The following CACNA1A variants were observed in gnomAD, a reference collection of about 807,000 sequenced individuals.
CACNA1A encodes the protein calcium voltage-gated channel subunit alpha1 A.
In CACNA1A, 57 loss-of-function variants were observed where a neutral mutation model predicts 262.4. The ratio of observed to expected loss-of-function variants is 0.22; its 90% CI spans 0.18 to 0.27. The LOEUF (loss-of-function observed/expected upper bound fraction) is 0.27. Ranked by LOEUF, CACNA1A falls within the 10% of genes least tolerant of loss-of-function variation. The pLI is 1.00. For synonymous variants in CACNA1A, 1,431 were observed against 1,419.3 expected, an observed-to-expected ratio of 1.01 and a Z score of -0.18; for missense variants, 2,526 against 3,562.8, an observed-to-expected ratio of 0.71 and a Z score of 7.41.
At chr19:13,273,979 C>G (rs2057086356) in intron 24 of CACNA1A, 1 of 151,638 alleles carries the variant, frequency 6.6e-6, no homozygotes, top group East Asian at 1.9e-4. Context: ...GCCTCCTGGG[C>G]TCAAGCAATC....
intron 23 of CACNA1A, among the ~76,000 whole-genome samples, 174 bp downstream of exon 23, chr19:13,276,895 A>G (rs996317827): frequency 1.2e-4 from 19 of 152,048 alleles, no homozygotes; most frequent in Non-Finnish European, 2.1e-4. Flanking sequence ...TATTTTTAGT[A>G]GAGATGGGGT....
At chr19:13,330,199 CG>C in intron 10 of CACNA1A, 44 bp downstream of exon 10, 1 of 1,388,164 alleles carries the variant, frequency 7.2e-7, no homozygotes, top group Non-Finnish European at 1.0e-6. Flanking sequence ...GTCTCTTGGG[CG>C]ATAGGTGATG....
At chr19:13,313,227 C>G (rs1187164781) in intron 11 of CACNA1A, among the ~76,000 whole-genome samples, 1 of 151,996 alleles carries the variant, frequency 6.6e-6, no homozygotes. Flanking sequence ...GCTGGCTGGG[C>G]ATGGTGGCTC....
intron 2 of CACNA1A, among the ~76,000 whole-genome samples, chr19:13,453,664 C>T (rs942787217): frequency 3.3e-5 from 5 of 152,182 alleles, no homozygotes; most frequent in Non-Finnish European, 5.9e-5. Context: ...GCAGAACCTC[C>T]GGCTGGTTCT....
intron 3 of CACNA1A, among the ~76,000 whole-genome samples, chr19:13,420,233 G>C (rs541724127): frequency 2.0e-5 from 3 of 151,630 alleles, no homozygotes; most frequent in East Asian, 3.9e-4. Flanking sequence ...TCCATTCATT[G>C]ACCTATTGCA....
chr19:13,494,041 A>G (rs1981211927), intron 1 of CACNA1A, among the ~76,000 whole-genome samples: 1 of 152,260 alleles, frequency 6.6e-6, no homozygotes, highest in South Asian at 2.1e-4. Flanking sequence ...TTAAGCTTTT[A>G]TCAGCTGGGG....
intron 1 of CACNA1A, among the ~76,000 whole-genome samples, chr19:13,471,119 C>T (rs775367178): frequency 4.6e-5 from 7 of 152,102 alleles, no homozygotes; most frequent in Admixed American, 2.0e-4. Flanking sequence ...TGACTTTCTC[C>T]CCTGTACCTT....
chr19:13,219,187 G>A (rs1178196458), intron 38 of CACNA1A, among the ~76,000 whole-genome samples: 1 of 150,678 alleles, frequency 6.6e-6, no homozygotes, highest in Non-Finnish European at 1.5e-5. Flanking sequence ...GATTACTGGC[G>A]CCAGCCACCA....
At chr19:13,228,858 A>G (rs1388067334) in intron 36 of CACNA1A, 4 of 919,510 alleles carry the variant, frequency 4.4e-6, no homozygotes, top group Non-Finnish European at 6.7e-6. Context: ...CTGGGCACAC[A>G]GCGAGGTCAT....
intron 31 of CACNA1A, 136 bp from the exon 32 acceptor site, chr19:13,235,866 G>A: frequency 1.6e-6 from 1 of 617,690 alleles, no homozygotes; most frequent in South Asian, 2.0e-5. Flanking sequence ...GAGGGAGAGA[G>A]AAAGCACTAT....
intron 6 of CACNA1A, among the ~76,000 whole-genome samples, chr19:13,348,795 CACTGT>C (rs1245134674): frequency 1.3e-5 from 2 of 152,092 alleles, no homozygotes; most frequent in African/African-American, 4.8e-5. Flanking sequence ...GAGATCACGC[CACTGT>C]ACTCCAGCCT....
chr19:13,291,165 A>G (rs2057527484), intron 19 of CACNA1A, among the ~76,000 whole-genome samples: 1 of 152,146 alleles, frequency 6.6e-6, no homozygotes, highest in African/African-American at 2.4e-5. Context: ...CCAGTTGCAT[A>G]ACACCTGCTG....
Position 13,312,896 on chromosome 19 carries a change from A to T in CACNA1A, c.1556-115T>A, listed in dbSNP as rs1194342159. The T allele has an allele frequency of 2.9e-5, 16 of 552,904 alleles. No individual in the cohort carries two copies. In the East Asian group the frequency reaches 5.5e-4, roughly 19 times the overall value. The allele number at this position is 552,904 out of a possible 1,614,324, so 34.2% of individuals were successfully genotyped here. On this transcript the variant is annotated intron_variant, in intron 11 of 46. Coordinates refer to ENST00000360228, the MANE Select transcript of CACNA1A (RefSeq NM_001127222.2). ...TTTAAACTTTTTATTTTTTGTAGAG[A>T]TGAGGTCTTGCTATGCTGTTAGGCT... is the stretch of plus-strand genomic sequence containing the variant.
rs886039322 is a variant in CACNA1A at position 13,312,778 on chromosome 19, T to C, written c.1559A>G (p.Tyr520Cys). The change falls in exon 12 of 47, where the codon TAT becomes TGT. Residue 520 changes from tyrosine to cysteine, a missense_variant. By Grantham distance (194) the Tyr-to-Cys change is radical. Coordinates refer to ENST00000360228, the MANE Select transcript of CACNA1A (RefSeq NM_001127222.2). ...GAGTCCTAAGAAAATGAATTCTGCA[T>C]AGTCTAGAAGGGAGAAGGAGGAAAC... ...QPEWLSDFLY[Y>C]AEFIFLGLFM... 8 of 1,540,668 alleles carry C rather than the reference T, an allele frequency of 5.2e-6. No individual in the cohort carries two copies. The highest frequency in any genetic ancestry group is 7.1e-6 in the Non-Finnish European group (8 of 1,127,380).
At chr19:13,253,541 G>A (rs1222473833) in intron 29 of CACNA1A, among the ~76,000 whole-genome samples, 1 of 149,962 alleles carries the variant, frequency 6.7e-6, no homozygotes, top group African/African-American at 2.5e-5. Flanking sequence ...CACCTCCTGG[G>A]TTCATGCCAT....
chr19:13,271,956 G>T (rs1237497276), intron 24 of CACNA1A: 2 of 151,990 alleles, frequency 1.3e-5, no homozygotes, highest in Non-Finnish European at 2.9e-5. Context: ...TAGAGACAGG[G>T]TTTTACCATG....
intron 10 of CACNA1A, among the ~76,000 whole-genome samples, chr19:13,329,537 G>A (rs1408918365): frequency 1.4e-5 from 2 of 144,240 alleles, no homozygotes; most frequent in Non-Finnish European, 3.0e-5. Context: ...TGCCCAGGCT[G>A]GAGGGCAGTG....
At chr19:13,383,843 T>G (rs2059562531) in intron 3 of CACNA1A, among the ~76,000 whole-genome samples, 1 of 152,190 alleles carries the variant, frequency 6.6e-6, no homozygotes, top group Non-Finnish European at 1.5e-5. Flanking sequence ...TAAGACAGGA[T>G]CTCACTCTGT....
chr19:13,208,805 C>T lies in CACNA1A; in HGVS notation c.6731G>A (p.Arg2244His), dbSNP rs1057521565. The T allele has an allele frequency of 3.7e-5, 57 of 1,543,052 alleles. No homozygotes were observed. The Middle Eastern group carries it at 8.6e-4, about 23-fold the overall frequency. Residue 2244 changes from arginine (R) to histidine (H), a missense_variant, in exon 46 of 47, where the codon CGC (arginine) becomes CAC (histidine). Physicochemically the swap from Arg to His is conservative, Grantham distance 29. This residue lies in a region of CACNA1A where 929 missense variants were observed against 868.1 expected (regional missense o/e 1.07). Coordinates refer to ENST00000360228, the MANE Select transcript of CACNA1A (RefSeq NM_001127222.2). ...DHGRARARDQ[R>H]WSRSPSEGRE... ...GCCCTCGCTGGGCGAGCGGGACCAGCGCTGGTCCCGAGCCCGTGCCCGGCC... is the reference window on the plus strand; with the variant it reads ...GCCCTCGCTGGGCGAGCGGGACCAGTGCTGGTCCCGAGCCCGTGCCCGGCC...
Sources: allele counts gnomAD v4.1 joint callset (sites outside exome capture counted in the v4.1 genomes callset), GRCh38; gene constraint gnomAD v4.1.1; regional missense constraint gnomAD v4.1.1; transcripts MANE v1.5; gene names NCBI Gene and HGNC (gene_info 2026-07-23, HGNC 2026-07-21).